Variants in FREM2 observed in about 807,000 individuals in gnomAD.
FREM2 encodes the protein FRAS1-related extracellular matrix protein 2.
In FREM2, 119 loss-of-function variants were observed where a neutral mutation model predicts 219.9. The observed-to-expected ratio is 0.54, with a 90% CI of 0.47 to 0.63. The LOEUF is 0.63. Ranked by LOEUF, FREM2 falls within the 30% of genes least tolerant of loss-of-function variation. The pLI, the probability that FREM2 is intolerant of heterozygous loss-of-function variation, is 0.00. For synonymous variants in FREM2, 1,562 were observed against 1,522.8 expected, an observed-to-expected ratio of 1.03 and a Z score of -0.60; for missense variants, 4,030 against 3,993.6, an observed-to-expected ratio of 1.01 and a Z score of -0.25.
At chr13:38,840,128 A>G (rs1488624757) in intron 6 of FREM2, among the ~76,000 whole-genome samples, 4 of 152,204 alleles carry the variant, frequency 2.6e-5, no homozygotes, top group Non-Finnish European at 5.9e-5. Flanking sequence ...TGTGAAGACC[A>G]TGGGAAAAGT....
At chr13:38,813,861 G>T (rs1481906577) in intron 6 of FREM2, among the ~76,000 whole-genome samples, 1 of 151,340 alleles carries the variant, frequency 6.6e-6, no homozygotes, top group Non-Finnish European at 1.5e-5. Context: ...GTCTTTTCTA[G>T]ATCTTGTAGG....
rs139050662 is a variant in FREM2 at position 38,880,759 on chromosome 13, G to A, written c.9482G>A (p.Ser3161Asn). The A allele has an allele frequency of 9.9e-6, 16 of 1,614,180 alleles. No individual in the cohort carries two copies. The African/African-American group carries it at 2.0e-4, about 20-fold the overall frequency. Residue 3161 changes from serine to asparagine, a missense_variant, in exon 24 of 24, where the codon AGC (serine) becomes AAC (asparagine). Coordinates refer to ENST00000280481, the MANE Select transcript of FREM2 (RefSeq NM_207361.6). ...AGTGAGCCCATGGTGCCCCCACAGAGCCATCACAATGACAGCTCAGAAGTT... is the reference window on the plus strand; with the variant it reads ...AGTGAGCCCATGGTGCCCCCACAGAACCATCACAATGACAGCTCAGAAGTT... ...SSSEPMVPPQ[S>N]HHNDSSEV is the part of the protein sequence containing the mutation.
chr13:38,696,724 T>C (rs1209175576), intron 1 of FREM2, among the ~76,000 whole-genome samples: 1 of 152,164 alleles, frequency 6.6e-6, no homozygotes. Flanking sequence ...AAAACAAATG[T>C]ATGCATGTGA....
intron 6 of FREM2, among the ~76,000 whole-genome samples, chr13:38,828,412 A>G (rs968190003): frequency 6.6e-6 from 1 of 152,170 alleles, no homozygotes; most frequent in African/African-American, 2.4e-5. Context: ...CTTATTTCAC[A>G]TAAGAATACA....
chr13:38,690,766 T>C lies in FREM2; in HGVS notation c.3422T>C (p.Leu1141Pro). Reference sequence around the variant, plus strand: ...ATAAGTGCTTTCAACTTGAAAGATCTCAGGCAGGGCCACATAAACTATGTC... The same window carrying C: ...ATAAGTGCTTTCAACTTGAAAGATCCCAGGCAGGGCCACATAAACTATGTC... ...IAISAFNLKD[L>P]RQGHINYVQS... is the part of the protein sequence containing the mutation. Residue 1141 changes from leucine (L) to proline (P), a missense_variant, in exon 1 of 24, where the codon CTC becomes CCC. By Grantham distance (98) the Leu-to-Pro change is moderately conservative. This residue lies in a region of FREM2 where 3,102 missense variants were observed against 2,950.7 expected (regional missense o/e 1.05). Transcript: ENST00000280481. 6.2e-7 allele frequency: 1 copy of C among 1,614,160 alleles called. No individual in the cohort carries two copies. Among genetic ancestry groups the C allele is most frequent in the South Asian group, 1.1e-5 (1 of 91,078 alleles).
At chr13:38,720,183 G>A (rs1871165285) in intron 2 of FREM2, among the ~76,000 whole-genome samples, 1 of 152,116 alleles carries the variant, frequency 6.6e-6, no homozygotes, top group East Asian at 1.9e-4. Context: ...TCTAATTTAG[G>A]CTTACAAACA....
At chr13:38,706,059 T>G (rs1324323191) in intron 2 of FREM2, among the ~76,000 whole-genome samples, 1 of 152,176 alleles carries the variant, frequency 6.6e-6, no homozygotes, top group East Asian at 1.9e-4. Flanking sequence ...ACAAATGAGT[T>G]TTCACTATGG....
chr13:38,793,808 G>A (rs552103123), intron 6 of FREM2, among the ~76,000 whole-genome samples: 81 of 152,296 alleles, frequency 5.3e-4, no homozygotes, highest in African/African-American at 1.9e-3. Context: ...TAGTGCTGAG[G>A]AAGAATGGGC....
chr13:38,706,899 T>C (rs1238891923), intron 2 of FREM2, among the ~76,000 whole-genome samples: 1 of 152,188 alleles, frequency 6.6e-6, no homozygotes, highest in Non-Finnish European at 1.5e-5. Flanking sequence ...AGTTTAACTT[T>C]GTGACACAGT....
At chr13:38,837,908 T>C (rs986954459) in intron 6 of FREM2, among the ~76,000 whole-genome samples, 1 of 152,192 alleles carries the variant, frequency 6.6e-6, no homozygotes, top group Non-Finnish European at 1.5e-5. Context: ...CTTGACTCTT[T>C]ATCCAATTTG....
intron 2 of FREM2, among the ~76,000 whole-genome samples, chr13:38,715,294 A>G (rs566237548): frequency 6.6e-6 from 1 of 152,336 alleles, no homozygotes; most frequent in South Asian, 2.1e-4. Context: ...TGATCATTTA[A>G]ATAGTGACGT....
intron 2 of FREM2, among the ~76,000 whole-genome samples, chr13:38,756,344 T>C (rs926751225): frequency 6.6e-6 from 1 of 152,166 alleles, no homozygotes; most frequent in African/African-American, 2.4e-5. Context: ...ATTATAACCT[T>C]GTTTTATGTG....
At chr13:38,734,257 C>A (rs190539140) in intron 2 of FREM2, among the ~76,000 whole-genome samples, 1 of 152,058 alleles carries the variant, frequency 6.6e-6, no homozygotes, top group Admixed American at 6.6e-5. Context: ...ATTCCTCCCC[C>A]GCAAAAATCA....
chr13:38,753,195 G>A (rs974343200), intron 2 of FREM2, among the ~76,000 whole-genome samples: 1 of 151,924 alleles, frequency 6.6e-6, no homozygotes, highest in African/African-American at 2.4e-5. Flanking sequence ...TTATATACAA[G>A]TGAAAAATAA....
chr13:38,731,441 G>A (rs1309698350), intron 2 of FREM2, among the ~76,000 whole-genome samples: 1 of 151,996 alleles, frequency 6.6e-6, no homozygotes, highest in Non-Finnish European at 1.5e-5. Flanking sequence ...CTTGATAAAT[G>A]GGCCTTTTGT....
At chr13:38,743,873 T>G (rs925959045) in intron 2 of FREM2, among the ~76,000 whole-genome samples, 2 of 152,212 alleles carry the variant, frequency 1.3e-5, no homozygotes, top group African/African-American at 4.8e-5. Context: ...CTCAGTGATT[T>G]GTAGGGCAAA....
At position 38,691,556 on chromosome 13, in the gene FREM2, C is replaced by T. The variant is rs781745941; in HGVS notation, c.4212C>T (p.Pro1404=). The T allele has an allele frequency of 7.4e-6, 12 of 1,614,072 alleles. No homozygotes were observed. The highest frequency in any genetic ancestry group is 1.1e-5 in the South Asian group (1 of 91,048). ...TTGATGTGACTGATGGAATAAATCCCCTCATAGATCGTTACTTTTATGTGT... is the reference window on the plus strand; with the variant it reads ...TTGATGTGACTGATGGAATAAATCCTCTCATAGATCGTTACTTTTATGTGT... The part of the protein sequence containing the change: ...IKFDVTDGIN[P]LIDRYFYVSI... The change falls in exon 1 of 24, where the codon CCC becomes CCT. Residue 1404 remains proline, a synonymous_variant. Coordinates refer to ENST00000280481, the MANE Select transcript of FREM2 (RefSeq NM_207361.6).
At chr13:38,714,869 T>C (rs533598190) in intron 2 of FREM2, among the ~76,000 whole-genome samples, 2 of 151,940 alleles carry the variant, frequency 1.3e-5, no homozygotes, top group African/African-American at 4.8e-5. Context: ...GCAGATCACC[T>C]GAGGTCAGGA....
chr13:38,821,467 T>A lies in FREM2; in HGVS notation c.6020-25106T>A, dbSNP rs114769933. The stretch of plus-strand genomic sequence containing the variant: ...TAAAACTAAAAATGCCTTCTTTCTC[T>A]AGGCCATTTGTAACCATTTGAAGCA... On this transcript the variant is annotated intron_variant, in intron 6 of 23. Coordinates refer to ENST00000280481, the MANE Select transcript of FREM2 (RefSeq NM_207361.6). 7.1e-3 allele frequency among the ~76,000 whole-genome samples: 1,082 copies of A among 152,250 alleles called. 22 individuals carry two copies. Among genetic ancestry groups the A allele is most frequent in the African/African-American group, 0.025 (1,042 of 41,560 alleles).
Sources: gnomAD v4.1 joint callset for allele counts (sites outside exome capture counted in the v4.1 genomes callset) on GRCh38, gnomAD v4.1.1 for gene constraint, gnomAD v4.1.1 regional missense constraint, MANE v1.5 for transcripts, NCBI Gene and HGNC (gene_info 2026-07-23, HGNC 2026-07-21) for gene names.